CCDC7: variants seen among roughly 807,000 people sequenced by gnomAD.
The protein encoded by CCDC7 is coiled-coil domain containing 7.
In CCDC7, 183 loss-of-function variants were observed where a neutral mutation model predicts 196.9. That is an observed-to-expected ratio of 0.93 (90% CI 0.82 to 1.05). The LOEUF is 1.05. Ranked by LOEUF, CCDC7 falls within the 50% of genes least tolerant of loss-of-function variation. CCDC7 has a pLI of 0.00. For synonymous variants in CCDC7, 525 were observed against 484.6 expected (o/e 1.08, Z -1.10); for missense variants, 1,540 against 1,482.2 (o/e 1.04, Z -0.64).
At chr10:32,708,192 G>T (rs898456395) in intron 24 of CCDC7, among the ~76,000 whole-genome samples, 1 of 152,060 alleles carries the variant, frequency 6.6e-6, no homozygotes, top group African/African-American at 2.4e-5. Context: ...TCTGATCTTT[G>T]ACAAACCTGA....
intron 34 of CCDC7, 57 bp from the exon 36 acceptor site, chr10:32,845,486 A>G (rs954836441): frequency 5.6e-6 from 8 of 1,422,426 alleles, no homozygotes; most frequent in South Asian, 2.4e-5. Flanking sequence ...AAAAACACAC[A>G]CAAGTATGGT....
chr10:32,844,999 A>C (rs1024718630), intron 33 of CCDC7, among the ~76,000 whole-genome samples: 29 of 151,824 alleles, frequency 1.9e-4, no homozygotes, highest in Admixed American at 1.4e-3. Context: ...TAAAGGGGTC[A>C]ATTAAAACAC....
chr10:32,785,490 A>T (rs900417604), intron 29 of CCDC7, among the ~76,000 whole-genome samples: 24 of 152,200 alleles, frequency 1.6e-4, no homozygotes, highest in Non-Finnish European at 2.6e-4. Context: ...TAAAGGTTGC[A>T]TATGATAGAA....
At chr10:32,489,139 T>C (rs539235026) in intron 8 of CCDC7, among the ~76,000 whole-genome samples, 1 of 152,344 alleles carries the variant, frequency 6.6e-6, no homozygotes, top group South Asian at 2.1e-4. Context: ...ACAGTGGTAC[T>C]AATGTCTGAT....
At chr10:32,708,213 A>G (rs1425031825) in intron 24 of CCDC7, among the ~76,000 whole-genome samples, 2 of 152,152 alleles carry the variant, frequency 1.3e-5, no homozygotes, top group Admixed American at 1.3e-4. Context: ...CAAAAACAAG[A>G]AATGGGGAAA....
At chr10:32,608,760 C>T (rs753268546) in intron 18 of CCDC7, among the ~76,000 whole-genome samples, 4 of 152,052 alleles carry the variant, frequency 2.6e-5, no homozygotes, top group Admixed American at 2.0e-4. Flanking sequence ...AGGCTGGTCT[C>T]GAACTCCTGG....
At chr10:32,809,176 G>A (rs1380495316) in intron 30 of CCDC7, among the ~76,000 whole-genome samples, 1 of 152,116 alleles carries the variant, frequency 6.6e-6, no homozygotes, top group Non-Finnish European at 1.5e-5. Context: ...ATGAAAAAGC[G>A]AGGAAATGTG....
chr10:32,456,070 A>G (rs1046170050), intron 2 of CCDC7, among the ~76,000 whole-genome samples, 181 bp from the exon 4 acceptor site: 12 of 151,908 alleles, frequency 7.9e-5, no homozygotes, highest in Non-Finnish European at 1.8e-4. Context: ...TTTCTTTCAT[A>G]TTTTTTCTTT....
At chr10:32,500,029 ATCTC>A (rs1196103984) in intron 9 of CCDC7, among the ~76,000 whole-genome samples, 1 of 152,176 alleles carries the variant, frequency 6.6e-6, no homozygotes, top group African/African-American at 2.4e-5. Flanking sequence ...TAACAATCTG[ATCTC>A]TCTTTCTTTT....
intron 13 of CCDC7, among the ~76,000 whole-genome samples, chr10:32,548,122 G>T (rs1402969155): frequency 6.6e-6 from 1 of 152,158 alleles, no homozygotes; most frequent in Non-Finnish European, 1.5e-5. Context: ...CTATAGAAGG[G>T]TGTGACTTGC....
chr10:32,531,748 T>C (rs2049700399), intron 11 of CCDC7, among the ~76,000 whole-genome samples: 1 of 152,180 alleles, frequency 6.6e-6, no homozygotes, highest in Non-Finnish European at 1.5e-5. Flanking sequence ...GGTTTGCTGA[T>C]GTTTTCTATT....
At chr10:32,706,493 G>A (rs1313333655) in intron 24 of CCDC7, among the ~76,000 whole-genome samples, 2 of 151,988 alleles carry the variant, frequency 1.3e-5, no homozygotes, top group African/African-American at 4.8e-5. Context: ...AGGAGATAGA[G>A]ACACAAAAAA....
At chr10:32,684,350 T>G (rs1021215814) in intron 21 of CCDC7, among the ~76,000 whole-genome samples, 1 of 152,162 alleles carries the variant, frequency 6.6e-6, no homozygotes, top group Admixed American at 6.5e-5. Context: ...CCATGCAGCT[T>G]TCTGTGTCAG....
At chr10:32,854,879 C>T (rs917614482) in intron 41 of CCDC7, among the ~76,000 whole-genome samples, 4 of 152,030 alleles carry the variant, frequency 2.6e-5, no homozygotes, top group Non-Finnish European at 5.9e-5. Flanking sequence ...GCAATAAATA[C>T]CATTGTTCAT....
chr10:32,632,140 G>T (rs12415382), intron 18 of CCDC7, among the ~76,000 whole-genome samples: 93 of 904 alleles, frequency 0.1, no homozygotes, highest in African/African-American at 0.26. Context: ...TCTTTTTTTT[G>T]GGGGGGGGGG....
chr10:32,833,789 G>C (rs1364338897), intron 32 of CCDC7, among the ~76,000 whole-genome samples: 1 of 151,874 alleles, frequency 6.6e-6, no homozygotes, highest in Non-Finnish European at 1.5e-5. Flanking sequence ...TTGTAATGGT[G>C]GTACATATGG....
At chr10:32,506,612 G>T (rs1191704547) in intron 9 of CCDC7, among the ~76,000 whole-genome samples, 1 of 152,226 alleles carries the variant, frequency 6.6e-6, no homozygotes, top group Non-Finnish European at 1.5e-5. Flanking sequence ...AGCACCTCGG[G>T]AGGCCGAGGG....
chr10:32,689,901 A>C (rs1179672369), intron 23 of CCDC7, among the ~76,000 whole-genome samples: 1 of 152,010 alleles, frequency 6.6e-6, no homozygotes, highest in African/African-American at 2.4e-5. Context: ...CGTCTGCCTA[A>C]TTTTTGTATT....
chr10:32,597,777 C>G (rs2060552029), intron 18 of CCDC7, among the ~76,000 whole-genome samples: 1 of 152,328 alleles, frequency 6.6e-6, no homozygotes, highest in Non-Finnish European at 1.5e-5. Flanking sequence ...TTGGGGTGTG[C>G]TGGCGGTCCA....
Sources: allele counts gnomAD v4.1 joint callset (sites outside exome capture counted in the v4.1 genomes callset), GRCh38; gene constraint gnomAD v4.1.1; transcripts MANE v1.5; gene names NCBI Gene and HGNC (gene_info 2026-07-23, HGNC 2026-07-21).